The following DYNC1I1 variants were observed in gnomAD, a reference collection of about 807,000 sequenced individuals.
The protein encoded by DYNC1I1 is dynein cytoplasmic 1 intermediate chain 1.
A neutral mutation model predicts 86.6 loss-of-function variants in DYNC1I1; 43 were observed. The observed-to-expected ratio is 0.50, with a 90% CI of 0.39 to 0.64. DYNC1I1 has a LOEUF of 0.64. Among genes scored for constraint, DYNC1I1 ranks in the 30% least tolerant of loss-of-function variants. The pLI, the probability that DYNC1I1 is intolerant of heterozygous loss-of-function variation, is 0.00. For synonymous variants in DYNC1I1, 262 were observed against 283.7 expected (o/e 0.92, Z 0.77); for missense variants, 604 against 788.8 (o/e 0.77, Z 2.81).
At chr7:96,021,366 G>A (rs1794546195) in intron 10 of DYNC1I1, among the ~76,000 whole-genome samples, 1 of 152,112 alleles carries the variant, frequency 6.6e-6, no homozygotes, top group Non-Finnish European at 1.5e-5. Context: ...AGAAATTGAA[G>A]ATGATGCTCA....
chr7:95,981,764 A>T (rs533660266), intron 7 of DYNC1I1, among the ~76,000 whole-genome samples: 19 of 152,266 alleles, frequency 1.2e-4, no homozygotes, highest in African/African-American at 4.6e-4. Context: ...TGCTTAACCT[A>T]TAAGAAAAAC....
chr7:95,858,444 G>A (rs1206608775), intron 5 of DYNC1I1, among the ~76,000 whole-genome samples: 2 of 152,038 alleles, frequency 1.3e-5, no homozygotes, highest in Admixed American at 6.6e-5. Context: ...TAAGTAGAAA[G>A]AGTACACTCT....
chr7:95,995,303 C>G (rs1257268503), intron 9 of DYNC1I1, among the ~76,000 whole-genome samples: 1 of 146,802 alleles, frequency 6.8e-6, no homozygotes, highest in Non-Finnish European at 1.5e-5. Flanking sequence ...AATGGCTGGC[C>G]TGGGCCAGGC....
At chr7:96,046,052 A>C (rs1789204176) in intron 14 of DYNC1I1, among the ~76,000 whole-genome samples, 2 of 152,176 alleles carry the variant, frequency 1.3e-5, no homozygotes, top group African/African-American at 4.8e-5. Flanking sequence ...ACGTTTCATC[A>C]TTAACCACTG....
chr7:95,995,368 G>A (rs1395246614), intron 9 of DYNC1I1, among the ~76,000 whole-genome samples: 1 of 152,216 alleles, frequency 6.6e-6, no homozygotes, highest in East Asian at 1.9e-4. Flanking sequence ...TAGGTTTCGT[G>A]TGGAAGTCAA....
chr7:96,014,297 A>G (rs544905732), intron 10 of DYNC1I1, among the ~76,000 whole-genome samples: 1 of 152,316 alleles, frequency 6.6e-6, no homozygotes, highest in South Asian at 2.1e-4. Flanking sequence ...AGCTATAGAA[A>G]GAGAGTCTTT....
intron 6 of DYNC1I1, among the ~76,000 whole-genome samples, chr7:95,875,355 T>G (rs1227767393): frequency 6.6e-6 from 1 of 152,204 alleles, no homozygotes; most frequent in East Asian, 1.9e-4. Flanking sequence ...CTTGCAGCAT[T>G]GCTAGAATTT....
intron 5 of DYNC1I1, among the ~76,000 whole-genome samples, chr7:95,847,647 A>T (rs1332547154): frequency 6.6e-6 from 1 of 152,152 alleles, no homozygotes; most frequent in African/African-American, 2.4e-5. Context: ...AAAACCCTCT[A>T]CTAATCTGGC....
chr7:95,980,144 G>T (rs1036861776), intron 7 of DYNC1I1, among the ~76,000 whole-genome samples: 2 of 152,084 alleles, frequency 1.3e-5, no homozygotes, highest in African/African-American at 4.8e-5. Context: ...ACTGTTACTC[G>T]TGCTTCATGG....
At chr7:95,941,934 C>T (rs977024823) in intron 6 of DYNC1I1, among the ~76,000 whole-genome samples, 10 of 152,218 alleles carry the variant, frequency 6.6e-5, no homozygotes, top group South Asian at 6.2e-4. Context: ...TGTTCCTATT[C>T]GGCCATCTTG....
At chr7:95,804,867 G>C in intron 2 of DYNC1I1, 30 bp downstream of exon 2, 2 of 1,532,678 alleles carry the variant, frequency 1.3e-6, no homozygotes, top group Non-Finnish European at 1.8e-6. Context: ...GTGTTGTGGG[G>C]GAAAAAGGAA....
chr7:95,798,930 G>A lies in DYNC1I1; in HGVS notation c.-9-5791G>A, dbSNP rs75469385. On this transcript the variant is annotated intron_variant, in intron 1 of 16. Transcript: ENST00000447467. ...AGCTGGACATTTTCCTTTCTCTATGGATATATGCAGACATAAGAAATGTAA... is the reference window on the plus strand; with the variant it reads ...AGCTGGACATTTTCCTTTCTCTATGAATATATGCAGACATAAGAAATGTAA... Among the ~76,000 whole-genome samples, 438 of 152,312 alleles carry A rather than the reference G, an allele frequency of 2.9e-3. 2 individuals carry two copies. The highest frequency in any genetic ancestry group is 3.6e-3 in the Non-Finnish European group (243 of 68,036).
chr7:95,777,211 C>T (rs1378865591), intron 1 of DYNC1I1, among the ~76,000 whole-genome samples: 1 of 152,196 alleles, frequency 6.6e-6, no homozygotes, highest in Non-Finnish European at 1.5e-5. Context: ...CCCAGAGTGG[C>T]AGAAGAAAAG....
chr7:95,833,007 C>A (rs1788958575), intron 5 of DYNC1I1, among the ~76,000 whole-genome samples: 1 of 149,910 alleles, frequency 6.7e-6, no homozygotes, highest in Admixed American at 6.7e-5. Context: ...GCTTTTGTTG[C>A]CATTGCTTTT....
At chr7:95,808,493 A>G (rs1409677887) in intron 2 of DYNC1I1, among the ~76,000 whole-genome samples, 1 of 152,120 alleles carries the variant, frequency 6.6e-6, no homozygotes, top group African/African-American at 2.4e-5. Flanking sequence ...TTTAAAATAA[A>G]TATAGTGGCC....
chr7:95,883,936 TA>T (rs1400696677), intron 6 of DYNC1I1, among the ~76,000 whole-genome samples: 3 of 152,204 alleles, frequency 2.0e-5, no homozygotes, highest in African/African-American at 7.2e-5. Flanking sequence ...TATGTTTTTT[TA>T]ATGAAGATTT....
chr7:96,004,646 GCACACA>G (rs34562315), intron 10 of DYNC1I1, among the ~76,000 whole-genome samples: 2,348 of 146,190 alleles, frequency 0.016, 60 homozygotes, highest in African/African-American at 0.053. Context: ...ATAAATGCAT[GCACACA>G]CACACACACA....
At position 96,063,259 on chromosome 7, in the gene DYNC1I1, G is replaced by C. The variant is rs866706889; in HGVS notation, c.1510-12798G>C. Among the ~76,000 whole-genome samples the C allele has an allele frequency of 2.6e-5, 4 of 152,116 alleles. 1 individual carries two copies. Among genetic ancestry groups the C allele is most frequent in the Middle Eastern group, 3.4e-3 (1 of 294 alleles). On this transcript the variant is annotated intron_variant, in intron 14 of 16. Transcript: ENST00000447467. ...TAGGAAGGAGAGAAATAGCTGCTCA[G>C]AAATTGCCTTCTTTCTCTCTCAAAT...
At chr7:95,889,967 T>G (rs1460707074) in intron 6 of DYNC1I1, among the ~76,000 whole-genome samples, 2 of 152,158 alleles carry the variant, frequency 1.3e-5, no homozygotes, top group Non-Finnish European at 2.9e-5. Flanking sequence ...AGGTTGCGGA[T>G]AAAAGAGAAT....
Sources: allele counts gnomAD v4.1 joint callset (sites outside exome capture counted in the v4.1 genomes callset), GRCh38; gene constraint gnomAD v4.1.1; transcripts MANE v1.5; gene names NCBI Gene and HGNC (gene_info 2026-07-23, HGNC 2026-07-21).